Variants in PDE1C observed in about 807,000 individuals in gnomAD.
PDE1C encodes dual specificity calcium/calmodulin-dependent 3',5'-cyclic nucleotide phosphodiesterase 1C.
PDE1C carries 62 observed loss-of-function variants against 93.1 expected under a neutral mutation model. That is an observed-to-expected ratio of 0.67 (90% CI 0.54 to 0.82). The LOEUF is 0.82. Ranked by LOEUF, PDE1C falls within the 40% of genes least tolerant of loss-of-function variation. The pLI, the probability that PDE1C is intolerant of heterozygous loss-of-function variation, is 0.00. For synonymous variants in PDE1C, 325 were observed against 310.1 expected, an observed-to-expected ratio of 1.05 and a Z score of -0.50; for missense variants, 742 against 884.6, an observed-to-expected ratio of 0.84 and a Z score of 2.04.
At position 31,809,079 on chromosome 7, in the gene PDE1C, C is replaced by T. The variant is rs979937345; in HGVS notation, c.1843G>A (p.Asp615Asn). ...CCGATGTTAGAGTGATCCTTCTTGT[C>T]TGTCTTATTTTTACCATCTTTGAAG... ...GDFKDGKNKT[D>N]KKDHSNIGND... is the part of the protein sequence containing the mutation. The change falls in exon 16 of 18, where the codon GAC (aspartate) becomes AAC (asparagine). Residue 615 changes from aspartate (D) to asparagine (N), a missense_variant. By Grantham distance (23) the Asp-to-Asn change is conservative. Coordinates refer to ENST00000396191, the MANE Select transcript of PDE1C (RefSeq NM_001191057.4). 1.9e-6 allele frequency: 3 copies of T among 1,595,256 alleles called. No homozygotes were observed. The African/African-American group carries it at 4.0e-5, about 21-fold the overall frequency.
intron 1 of PDE1C, among the ~76,000 whole-genome samples, chr7:32,236,293 G>GA (rs959093478): frequency 3.3e-5 from 5 of 151,836 alleles, no homozygotes; most frequent in African/African-American, 9.7e-5. Context: ...ATCCATAAAA[G>GA]AAAAAAATAA....
chr7:32,228,604 G>A (rs1260160463), intron 1 of PDE1C, among the ~76,000 whole-genome samples: 2 of 152,184 alleles, frequency 1.3e-5, no homozygotes, highest in Admixed American at 1.3e-4. Flanking sequence ...TGGCTCCTCA[G>A]AAAGGGGCCT....
intron 1 of PDE1C, among the ~76,000 whole-genome samples, chr7:32,257,840 A>T (rs1002233422): frequency 6.6e-6 from 1 of 152,190 alleles, no homozygotes; most frequent in Non-Finnish European, 1.5e-5. Flanking sequence ...GCCACATTTT[A>T]TCTCTGGGAG....
intron 2 of PDE1C, among the ~76,000 whole-genome samples, chr7:31,998,311 A>G (rs10435126): frequency 0.12 from 18,384 of 152,108 alleles, 1,756 homozygotes; most frequent in East Asian, 0.54. Context: ...GAGCCACCAC[A>G]CCCAGCCAGA....
chr7:32,370,919 A>G (rs943009787), intron 1 of PDE1C, among the ~76,000 whole-genome samples: 10 of 152,138 alleles, frequency 6.6e-5, no homozygotes, highest in Non-Finnish European at 4.4e-5. Flanking sequence ...TTGCACCAGC[A>G]TAGATGAAAA....
chr7:32,370,209 G>A (rs528508534), intron 1 of PDE1C, among the ~76,000 whole-genome samples: 9 of 152,250 alleles, frequency 5.9e-5, no homozygotes, highest in African/African-American at 1.7e-4. Flanking sequence ...CAGCACTTTG[G>A]GAGGCCGAGG....
chr7:31,757,557 C>G (rs1264238401), intron 17 of PDE1C, among the ~76,000 whole-genome samples: 1 of 152,188 alleles, frequency 6.6e-6, no homozygotes, highest in Non-Finnish European at 1.5e-5. Context: ...TTAACTTCAT[C>G]ACTGGCCATC....
At chr7:32,070,530 C>T (rs1795920246), upstream of PDE1C, 1 of 1,491,500 alleles carries the variant, frequency 6.7e-7, no homozygotes, top group Non-Finnish European at 8.9e-7. Flanking sequence ...GCTCCCCCTT[C>T]TGCGCCCCCA....
intron 2 of PDE1C, among the ~76,000 whole-genome samples, chr7:32,001,786 C>T (rs1015521274): frequency 2.6e-5 from 4 of 152,142 alleles, no homozygotes; most frequent in African/African-American, 9.7e-5. Context: ...CACAATAGGT[C>T]TGGCTGGGCA....
intron 9 of PDE1C, among the ~76,000 whole-genome samples, chr7:31,841,097 A>T (rs1313805496): frequency 6.6e-6 from 1 of 151,924 alleles, no homozygotes; most frequent in East Asian, 1.9e-4. Context: ...AGTGAACATG[A>T]GCTGCATTTG....
the PDE1C span, among the ~76,000 whole-genome samples, chr7:31,632,264 C>T: frequency 6.6e-6 from 1 of 151,934 alleles, no homozygotes; most frequent in African/African-American, 2.4e-5. Flanking sequence ...CTGGCTAACA[C>T]GGTGAAACTC....
intron 2 of PDE1C, among the ~76,000 whole-genome samples, chr7:32,003,383 C>A (rs942632569): frequency 6.6e-6 from 1 of 152,220 alleles, no homozygotes; most frequent in Non-Finnish European, 1.5e-5. Flanking sequence ...TCCAAGAGTG[C>A]ATTAATCACA....
chr7:31,780,756 GGT>G, intron 16 of PDE1C, among the ~76,000 whole-genome samples: 1 of 151,986 alleles, frequency 6.6e-6, no homozygotes. Flanking sequence ...GTTTTAGAAA[GGT>G]GTGTGTATGT....
chr7:31,821,621 G>T (rs372336759), intron 14 of PDE1C, among the ~76,000 whole-genome samples: 1 of 152,100 alleles, frequency 6.6e-6, no homozygotes, highest in South Asian at 2.1e-4. Context: ...AAATATGGAA[G>T]GTGTTGGCTC....
chr7:32,106,024 T>A (rs893460015), intron 3 of PDE1C, among the ~76,000 whole-genome samples: 1 of 152,088 alleles, frequency 6.6e-6, no homozygotes, highest in Non-Finnish European at 1.5e-5. Context: ...AGTTTTATTC[T>A]TTTTAGAGAC....
intron 3 of PDE1C, among the ~76,000 whole-genome samples, chr7:32,078,179 A>T (rs77671514): frequency 0.083 from 12,641 of 152,220 alleles, 663 homozygotes; most frequent in Middle Eastern, 0.13. Context: ...ATATGGAAAA[A>T]CCTCAGAGCT....
chr7:32,386,022 C>T (rs940625826), intron 1 of PDE1C, among the ~76,000 whole-genome samples: 2 of 151,620 alleles, frequency 1.3e-5, no homozygotes, highest in African/African-American at 4.8e-5. Context: ...GGGCCTGTTT[C>T]ACACTTTCAT....
At chr7:31,938,858 C>A (rs1805434244) in intron 2 of PDE1C, among the ~76,000 whole-genome samples, 1 of 152,170 alleles carries the variant, frequency 6.6e-6, no homozygotes, top group African/African-American at 2.4e-5. Context: ...TTGCATGTCT[C>A]AATGACACAA....
the PDE1C span, among the ~76,000 whole-genome samples, chr7:31,733,133 T>C: frequency 2.0e-5 from 3 of 152,206 alleles, no homozygotes; most frequent in Admixed American, 6.5e-5. Context: ...TAAATGGACT[T>C]ATGGTGCCTA....
Sources: allele counts gnomAD v4.1 joint callset (sites outside exome capture counted in the v4.1 genomes callset), GRCh38; gene constraint gnomAD v4.1.1; transcripts MANE v1.5; gene names NCBI Gene and HGNC (gene_info 2026-07-23, HGNC 2026-07-21).